CTIF: variants seen among roughly 807,000 people sequenced by gnomAD.
The protein encoded by CTIF is CBP80/20-dependent translation initiation factor.
In CTIF, 21 loss-of-function variants were observed where a neutral mutation model predicts 66.0. The ratio of observed to expected loss-of-function variants is 0.32; its 90% CI spans 0.23 to 0.46. The LOEUF (loss-of-function observed/expected upper bound fraction) is 0.46. CTIF is among the 20% of genes least tolerant of loss of function. CTIF has a pLI of 1.00. For missense variants in CTIF, 739 were observed against 812.7 expected, an observed-to-expected ratio of 0.91 and a Z score of 1.10; for synonymous variants, 345 against 326.4, an observed-to-expected ratio of 1.06 and a Z score of -0.62.
intron 9 of CTIF, among the ~76,000 whole-genome samples, chr18:48,780,186 A>C (rs892203724): frequency 1.3e-5 from 2 of 152,190 alleles, no homozygotes; most frequent in African/African-American, 4.8e-5. Context: ...AGGAAAAAAA[A>C]CTAGAGCCTG....
chr18:48,694,448 G>T (rs190948969), intron 6 of CTIF, among the ~76,000 whole-genome samples: 1 of 152,324 alleles, frequency 6.6e-6, no homozygotes, highest in East Asian at 1.9e-4. Flanking sequence ...CCTGAGTCCA[G>T]GTTCTCAAAT....
chr18:48,649,521 C>A (rs2091116349), intron 3 of CTIF, among the ~76,000 whole-genome samples: 1 of 152,242 alleles, frequency 6.6e-6, no homozygotes, highest in Non-Finnish European at 1.5e-5. Context: ...CCTCTGGGGG[C>A]AGCGCATAGC....
chr18:48,555,191 G>A (rs1473658909), intron 1 of CTIF, among the ~76,000 whole-genome samples: 2 of 152,136 alleles, frequency 1.3e-5, no homozygotes, highest in Non-Finnish European at 2.9e-5. Context: ...CCCTCCATCT[G>A]GACACTATAT....
Position 48,569,848 on chromosome 18 carries a change from C to T in CTIF, c.-29+30536C>T, listed in dbSNP as rs372354495. Among the ~76,000 whole-genome samples the T allele has an allele frequency of 2.9e-4, 44 of 152,314 alleles. 2 individuals carry two copies. In the South Asian group the frequency reaches 8.5e-3, roughly 29 times the overall value. On this transcript the variant is annotated intron_variant, in intron 1 of 11. Transcript: ENST00000256413. Reference sequence around the variant, plus strand: ...TGGCCCCCTGCCTGGGGCTGGCATACCCCTCCTGCTGTCCTAGGACACAGC... The same window carrying T: ...TGGCCCCCTGCCTGGGGCTGGCATATCCCTCCTGCTGTCCTAGGACACAGC...
At chr18:48,578,064 G>A (rs571778359) in intron 1 of CTIF, among the ~76,000 whole-genome samples, 12 of 152,246 alleles carry the variant, frequency 7.9e-5, no homozygotes, top group African/African-American at 2.9e-4. Context: ...TAAACATGGA[G>A]TTATACAATA....
At chr18:48,793,447 A>G (rs1389623341) in intron 9 of CTIF, among the ~76,000 whole-genome samples, 2 of 152,202 alleles carry the variant, frequency 1.3e-5, no homozygotes, top group Non-Finnish European at 2.9e-5. Context: ...GCCTTTCCCC[A>G]CAGCCATTTA....
intron 3 of CTIF, among the ~76,000 whole-genome samples, chr18:48,655,560 G>A (rs912228696): frequency 6.6e-6 from 1 of 152,186 alleles, no homozygotes; most frequent in African/African-American, 2.4e-5. Flanking sequence ...CTGGGACTGG[G>A]AGTCCTTTGG....
At position 48,699,012 on chromosome 18, in the gene CTIF, C is replaced by A. The variant is rs535453991; in HGVS notation, c.508-12607C>A. ...CTGGACGAGGACCCACGTTTCAACC[C>A]TCTGTCCCTCCAGCACCAAGGCTGA... On this transcript the variant is annotated intron_variant, in intron 6 of 11. Coordinates refer to ENST00000256413, the MANE Select transcript of CTIF (RefSeq NM_014772.3). Among the ~76,000 whole-genome samples the A allele has an allele frequency of 8.5e-5, 13 of 152,270 alleles. No individual in the cohort carries two copies. The South Asian group carries it at 1.7e-3, about 19-fold the overall frequency.
chr18:48,730,655 T>C (rs1412419479), intron 7 of CTIF, among the ~76,000 whole-genome samples: 5 of 112,066 alleles, frequency 4.5e-5, no homozygotes, highest in Admixed American at 2.6e-4. Flanking sequence ...TGTGAGGGGC[T>C]TCTGCGGTGT....
chr18:48,645,389 A>G (rs12956278), intron 3 of CTIF, among the ~76,000 whole-genome samples: 95,225 of 152,122 alleles, frequency 0.63, 32,816 homozygotes, highest in East Asian at 0.94. Flanking sequence ...GATCTAGCAA[A>G]ACAAAAAACT....
chr18:48,694,942 C>A (rs1002789298), intron 6 of CTIF, among the ~76,000 whole-genome samples: 2 of 152,226 alleles, frequency 1.3e-5, no homozygotes, highest in Admixed American at 1.3e-4. Flanking sequence ...CTTTGTCCAT[C>A]TAATCTTTCT....
At chr18:48,748,679 G>C (rs931641507) in intron 7 of CTIF, among the ~76,000 whole-genome samples, 8 of 152,144 alleles carry the variant, frequency 5.3e-5, no homozygotes, top group Admixed American at 1.3e-4. Context: ...TGAACCCAAG[G>C]GTGTCCAGCT....
chr18:48,806,977 G>A (rs1369719990), intron 9 of CTIF, among the ~76,000 whole-genome samples: 37 of 152,308 alleles, frequency 2.4e-4, no homozygotes, highest in Non-Finnish European at 1.0e-4. Context: ...AGAACCTAGA[G>A]CCAAATACCA....
intron 1 of CTIF, among the ~76,000 whole-genome samples, chr18:48,560,569 A>G (rs919295898): frequency 3.3e-5 from 5 of 150,920 alleles, no homozygotes; most frequent in Admixed American, 6.6e-5. Flanking sequence ...AAAAAGGAAT[A>G]TCCTTCCTTC....
At chr18:48,803,015 AGT>A (rs2068077281) in intron 9 of CTIF, among the ~76,000 whole-genome samples, 1 of 152,348 alleles carries the variant, frequency 6.6e-6, no homozygotes, top group African/African-American at 2.4e-5. Context: ...CGCCTGCCTA[AGT>A]GTGAGACAGA....
Position 48,619,569 on chromosome 18 carries a change from GA to G in CTIF, c.8del (p.Asn3ThrfsTer156). 6.4e-7 allele frequency: 1 copy of G among 1,556,580 alleles called. No individual in the cohort carries two copies. The highest frequency in any genetic ancestry group is 8.7e-7 in the Non-Finnish European group (1 of 1,150,920). MENSSAASASSE... is the reference protein window; with the variant it reads MXNSSAASASSE... ...CCCAGGCCCCTGAGCTGGAGGGATG[GA>G]AAACTCCTCTGCAGCATCAGCCTCC... On this transcript the variant is annotated frameshift_variant, in exon 2 of 12. Transcript: ENST00000256413. LOFTEE classifies it high-confidence loss of function.
At chr18:48,836,394 G>A (rs903429003) in intron 10 of CTIF, among the ~76,000 whole-genome samples, 4 of 152,080 alleles carry the variant, frequency 2.6e-5, no homozygotes, top group Non-Finnish European at 5.9e-5. Flanking sequence ...TGCTCTGCCT[G>A]GAGGACAGTG....
chr18:48,650,239 T>A (rs1378785330), intron 3 of CTIF, among the ~76,000 whole-genome samples: 2 of 152,154 alleles, frequency 1.3e-5, no homozygotes, highest in Admixed American at 1.3e-4. Flanking sequence ...TGAAAAAAGA[T>A]TAGACAAATG....
At chr18:48,679,922 G>T (rs1013447514) in intron 6 of CTIF, among the ~76,000 whole-genome samples, 3 of 152,138 alleles carry the variant, frequency 2.0e-5, no homozygotes, top group Non-Finnish European at 2.9e-5. Flanking sequence ...AGAAAAGGAG[G>T]CTGTTGAGAG....
Sources: gnomAD v4.1 joint callset for allele counts (sites outside exome capture counted in the v4.1 genomes callset) on GRCh38, gnomAD v4.1.1 for gene constraint, MANE v1.5 for transcripts, NCBI Gene and HGNC (gene_info 2026-07-23, HGNC 2026-07-21) for gene names.